SLC27A4: variants seen among roughly 807,000 people sequenced by gnomAD.
SLC27A4 encodes long-chain fatty acid transport protein 4.
A neutral mutation model predicts 64.4 loss-of-function variants in SLC27A4; 33 were observed. That is an observed-to-expected ratio of 0.51 (90% CI 0.39 to 0.68). SLC27A4 has a LOEUF of 0.68. Ranked by LOEUF, SLC27A4 falls within the 30% of genes least tolerant of loss-of-function variation. SLC27A4 has a pLI of 0.00. For missense variants in SLC27A4, 824 were observed against 883.5 expected (o/e 0.93, Z 0.85); for synonymous variants, 377 against 370.0 (o/e 1.02, Z -0.22).
intron 1 of SLC27A4, chr9:128,342,160 T>C: frequency 8.7e-7 from 1 of 1,144,170 alleles, no homozygotes; most frequent in Non-Finnish European, 1.3e-6. Flanking sequence ...TCAGGACAAC[T>C]CGGTGGTGGC....
rs1308492627 is a variant in SLC27A4, at chr9:128,352,571, T to A, written c.878-67T>A. The A allele has an allele frequency of 1.8e-5, 22 of 1,242,336 alleles. No homozygotes were observed. In the East Asian group the frequency reaches 4.9e-4, roughly 28 times the overall value. 77.0% of individuals were successfully genotyped at this position (1,242,336 alleles called of 1,614,324 possible). ...AAGCCTGCCTGGCTGGATGGCAGTATCACTGATTTGGGGCCGGGGAGGGTC... is the reference window on the plus strand; with the variant it reads ...AAGCCTGCCTGGCTGGATGGCAGTAACACTGATTTGGGGCCGGGGAGGGTC... On this transcript the variant is annotated intron_variant, in intron 6 of 12. Transcript: ENST00000300456.
Position 128,360,620 on chromosome 9 carries a change from T to A in SLC27A4, c.*129T>A, listed in dbSNP as rs907222850. The A allele has an allele frequency of 2.1e-6, 2 of 953,746 alleles. No homozygotes were observed. The highest frequency in any genetic ancestry group is 1.6e-6 in the Non-Finnish European group (1 of 626,346). 59.1% of individuals were successfully genotyped at this position (953,746 alleles called of 1,614,324 possible). A position where few individuals can be genotyped will look rare whatever the true frequency, so the allele number is the denominator to read the frequency against. On this transcript the variant is annotated 3_prime_UTR_variant, in exon 13 of 13. Transcript: ENST00000300456. ...CACCTCCATCCTGAGGTGCTGCCCC[T>A]CCATCCAAAACTGCCAAGTGACTCA...
intron 12 of SLC27A4, 75 bp downstream of exon 12, chr9:128,355,871 G>T: frequency 2.5e-6 from 4 of 1,593,548 alleles, no homozygotes; most frequent in Non-Finnish European, 3.4e-6. Flanking sequence ...CCGGTTGGCT[G>T]TTACTTGACC....
chr9:128,346,459 T>C (rs113525972), intron 3 of SLC27A4, among the ~76,000 whole-genome samples: 41,687 of 149,356 alleles, frequency 0.28, 10,455 homozygotes, highest in African/African-American at 0.68. Flanking sequence ...TGGTCTCCAA[T>C]CCCTGACCTC....
In SLC27A4 at chr9:128,345,073, G is replaced by A. The variant is rs1165487990; in HGVS notation, c.162-82G>A. 15 of 1,574,044 alleles carry A rather than the reference G, an allele frequency of 9.5e-6. No individual in the cohort carries two copies. In the African/African-American group the frequency reaches 1.1e-4, roughly 11 times the overall value. On this transcript the variant is annotated intron_variant, in intron 2 of 12. Coordinates refer to ENST00000300456, the MANE Select transcript of SLC27A4 (RefSeq NM_005094.4). The surrounding 1 kb of genome is among the most constrained non-coding windows in gnomAD (Gnocchi z 4.1). ...TCTGGCTCATGAAGCATAGGCTGGC[G>A]AGGCAGCAGCCTGGGGTAGGGTGTC...
chr9:128,356,771 A>G (rs954489665), intron 12 of SLC27A4, among the ~76,000 whole-genome samples: 2 of 130,602 alleles, frequency 1.5e-5, no homozygotes, highest in Non-Finnish European at 3.2e-5. Flanking sequence ...GTGAAATGCC[A>G]TCTCCACTAA....
intron 2 of SLC27A4, among the ~76,000 whole-genome samples, chr9:128,344,527 AAAC>A (rs1832623989): frequency 6.6e-6 from 1 of 152,182 alleles, no homozygotes; most frequent in African/African-American, 2.4e-5. Flanking sequence ...TCAAAAAAAA[AAAC>A]AAAAAAACAA....
chr9:128,352,051 C>A (rs912461668), intron 6 of SLC27A4, among the ~76,000 whole-genome samples: 1 of 150,936 alleles, frequency 6.6e-6, no homozygotes, highest in African/African-American at 2.4e-5. Context: ...AAAAATTAGC[C>A]GGGCGTGGTG....
At chr9:128,342,998 C>G (rs1381751425) in intron 1 of SLC27A4, 129 bp from the exon 2 acceptor site, 18 of 1,235,148 alleles carry the variant, frequency 1.5e-5, no homozygotes, top group Non-Finnish European at 2.1e-5. Context: ...GTCAGTCACC[C>G]AACTCAGTAT....
Position 128,355,720 on chromosome 9 carries a change from T to C in SLC27A4, c.1698T>C (p.Ala566=), listed in dbSNP as rs760016337. 6.2e-7 allele frequency: 1 copy of C among 1,613,656 alleles called. No individual in the cohort carries two copies. Among genetic ancestry groups the C allele is most frequent in the Admixed American group, 1.7e-5 (1 of 60,024 alleles). Residue 566 remains alanine (A), a synonymous_variant, in exon 12 of 13, where the codon GCT becomes GCC. Transcript: ENST00000300456. ...PTGNCDLERF[A]QVLEKELPLY... The stretch of plus-strand genomic sequence containing the variant: ...GCAACTGTGACCTGGAGCGCTTTGC[T>C]CAGGTCTTGGAGAAGGAACTGCCCC...
Position 128,340,856 on chromosome 9 carries a change from T to A in SLC27A4, c.-7+18T>A. Reference sequence around the variant, plus strand: ...GACGCCGGGTGAGCATAGACCGGGCTGGTGGGTTCCCGGGTGGGGACATGT... The same window carrying A: ...GACGCCGGGTGAGCATAGACCGGGCAGGTGGGTTCCCGGGTGGGGACATGT... On this transcript the variant is annotated intron_variant, in intron 1 of 12. Coordinates refer to ENST00000300456, the MANE Select transcript of SLC27A4 (RefSeq NM_005094.4). 1 of 659,024 alleles carries A rather than the reference T, an allele frequency of 1.5e-6. No individual in the cohort carries two copies. Among genetic ancestry groups the A allele is most frequent in the Non-Finnish European group, 2.8e-6 (1 of 356,808 alleles). 40.8% of individuals were successfully genotyped at this position (659,024 alleles called of 1,614,324 possible).
chr9:128,359,440 A>C lies in SLC27A4; in HGVS notation c.1775-894A>C, dbSNP rs575904301. Among the ~76,000 whole-genome samples the C allele has an allele frequency of 9.9e-5, 15 of 152,238 alleles. No homozygotes were observed. The East Asian group carries it at 2.9e-3, about 29-fold the overall frequency. ...GGAGTTCGAGACCAGCCTGACCAAC[A>C]TGGTGAAACCCCGTCTCTACTAAAA... On this transcript the variant is annotated intron_variant, in intron 12 of 12. Coordinates refer to ENST00000300456, the MANE Select transcript of SLC27A4 (RefSeq NM_005094.4).
At position 128,355,652 on chromosome 9, in the gene SLC27A4, A is replaced by G. The variant is rs1036256284; in HGVS notation, c.1630A>G (p.Thr544Ala). 13 of 1,610,178 alleles carry G rather than the reference A, an allele frequency of 8.1e-6. No homozygotes were observed. The highest frequency in any genetic ancestry group is 1.0e-5 in the Non-Finnish European group (12 of 1,180,000). Reference sequence around the variant, plus strand: ...AGTGTCTACCCTGCCACCCCCAGGAACCGAGGGCCGGGCCGGAATGGCTGC... The same window carrying G: ...AGTGTCTACCCTGCCACCCCCAGGAGCCGAGGGCCGGGCCGGAATGGCTGC... The part of the protein sequence containing the change: ...VAVYGVEVPG[T>A]EGRAGMAAVA... Residue 544 changes from threonine to alanine, a missense_variant and splice_region_variant, in exon 12 of 13, where the codon ACC becomes GCC. Coordinates refer to ENST00000300456, the MANE Select transcript of SLC27A4 (RefSeq NM_005094.4).
rs567451572 is a variant in SLC27A4 at position 128,343,445 on chromosome 9, C to A, written c.161+152C>A. Reference sequence around the variant, plus strand: ...AGCAGCCTCTGCTCCACACCCGTACCCTGGCAATAGTACCTGGTCCCTCCA... The same window carrying A: ...AGCAGCCTCTGCTCCACACCCGTACACTGGCAATAGTACCTGGTCCCTCCA... On this transcript the variant is annotated intron_variant, in intron 2 of 12. Coordinates refer to ENST00000300456, the MANE Select transcript of SLC27A4 (RefSeq NM_005094.4). The A allele has an allele frequency of 6.9e-6, 6 of 869,552 alleles. No individual in the cohort carries two copies. The East Asian group carries it at 1.6e-4, about 23-fold the overall frequency. The allele number at this position is 869,552 out of a possible 1,614,324, so 53.9% of individuals were successfully genotyped here.
intron 3 of SLC27A4, among the ~76,000 whole-genome samples, chr9:128,348,255 C>T (rs1180612631): frequency 1.3e-5 from 2 of 152,176 alleles, no homozygotes; most frequent in Non-Finnish European, 2.9e-5. Context: ...CAGGTCCTCT[C>T]ATTCTCGGAG....
Position 128,345,096 on chromosome 9 carries a change from G to T in SLC27A4, c.162-59G>T. ...GCGAGGCAGCAGCCTGGGGTAGGGTGTCAGGACCCCTCCCTCCCAACCATG... is the reference window on the plus strand; with the variant it reads ...GCGAGGCAGCAGCCTGGGGTAGGGTTTCAGGACCCCTCCCTCCCAACCATG... On this transcript the variant is annotated intron_variant, in intron 2 of 12. Transcript: ENST00000300456. The surrounding 1 kb of genome is among the most constrained non-coding windows in gnomAD (Gnocchi z 4.1). The T allele has an allele frequency of 1.2e-6, 2 of 1,608,272 alleles. No homozygotes were observed. Among genetic ancestry groups the T allele is most frequent in the Non-Finnish European group, 1.7e-6 (2 of 1,178,066 alleles).
chr9:128,355,509 T>C lies in SLC27A4; in HGVS notation c.1574T>C (p.Leu525Pro), dbSNP rs1832805288. ...NVSTTEVEGTLSRLLDMADVA... is the reference protein window; with the variant it reads ...NVSTTEVEGTPSRLLDMADVA... ...TCCACCACCGAGGTGGAAGGCACAC[T>C]CAGCCGCCTGCTGGACATGGCTGAC... is the stretch of plus-strand genomic sequence containing the variant. The change falls in exon 11 of 13, where the codon CTC becomes CCC. Residue 525 changes from leucine (L) to proline (P), a missense_variant. Transcript: ENST00000300456. The C allele has an allele frequency of 6.2e-7, 1 of 1,613,102 alleles. No individual in the cohort carries two copies. The highest frequency in any genetic ancestry group is 1.7e-5 in the Admixed American group (1 of 60,006).
At chr9:128,358,116 A>G (rs1053730923) in intron 12 of SLC27A4, among the ~76,000 whole-genome samples, 8 of 152,230 alleles carry the variant, frequency 5.3e-5, no homozygotes, top group African/African-American at 1.9e-4. Flanking sequence ...ATTGATGCAT[A>G]ATTCTGTGGG....
rs2131276936 is a variant in SLC27A4, at chr9:128,361,086, C to T, written c.*595C>T. 1 of 161,244 alleles carries T rather than the reference C, an allele frequency of 6.2e-6. No homozygotes were observed. Among genetic ancestry groups the T allele is most frequent in the South Asian group, 1.7e-4 (1 of 5,830 alleles). The allele number at this position is 161,244 out of a possible 1,614,324, so 10.0% of individuals were successfully genotyped here. ...CCCCATCCTCCTCCCTGGGTGGCTG[C>T]CTGATTATCCCTCAGGCAGGGCCTC... On this transcript the variant is annotated 3_prime_UTR_variant, in exon 13 of 13. Coordinates refer to ENST00000300456, the MANE Select transcript of SLC27A4 (RefSeq NM_005094.4).
Sources: allele counts gnomAD v4.1 joint callset (sites outside exome capture counted in the v4.1 genomes callset), GRCh38; gene constraint gnomAD v4.1.1; non-coding constraint Gnocchi (gnomAD v3.1); transcripts MANE v1.5; gene names NCBI Gene and HGNC (gene_info 2026-07-23, HGNC 2026-07-21).